The following DNAH5 variants were observed in gnomAD, a reference collection of about 807,000 sequenced individuals.
DNAH5 encodes axonemal beta dynein heavy chain 5.
In DNAH5, 372 loss-of-function variants were observed where a neutral mutation model predicts 518.2. The ratio of observed to expected loss-of-function variants is 0.72; its 90% CI spans 0.66 to 0.78. The LOEUF is 0.78. Among genes scored for constraint, DNAH5 ranks in the 30% least tolerant of loss-of-function variants. The pLI is 0.00. For missense variants in DNAH5, 5,523 were observed against 5,687.0 expected, an observed-to-expected ratio of 0.97 and a Z score of 0.93; for synonymous variants, 2,039 against 2,025.9, an observed-to-expected ratio of 1.01 and a Z score of -0.17.
intron 1 of DNAH5, among the ~76,000 whole-genome samples, chr5:13,984,086 G>C (rs1782865955): frequency 6.6e-6 from 1 of 152,158 alleles, no homozygotes; most frequent in Non-Finnish European, 1.5e-5. Flanking sequence ...ATGTGGAAGA[G>C]ACAAGCAGGA....
intron 17 of DNAH5, among the ~76,000 whole-genome samples, chr5:13,889,986 T>C (rs1772972974): frequency 1.3e-5 from 2 of 152,146 alleles, no homozygotes; most frequent in Non-Finnish European, 2.9e-5. Context: ...GGGAATATTG[T>C]AAATGATGCT....
chr5:13,793,732 C>A lies in DNAH5; in HGVS notation c.8011-4G>T. The A allele has an allele frequency of 6.2e-7, 1 of 1,613,352 alleles. No homozygotes were observed. The highest frequency in any genetic ancestry group is 8.5e-7 in the Non-Finnish European group (1 of 1,179,534). On this transcript the variant is annotated splice_region_variant and splice_polypyrimidine_tract_variant and intron_variant, in intron 48 of 78. Coordinates refer to ENST00000265104, the MANE Select transcript of DNAH5 (RefSeq NM_001369.3). ...GTCGCACTATCTCATTCGTAACCTA[C>A]AAAAGACAACTTTCAGAATTAAAGC...
intron 58 of DNAH5, among the ~76,000 whole-genome samples, chr5:13,768,258 A>T (rs972344003): frequency 1.3e-5 from 2 of 152,214 alleles, no homozygotes; most frequent in South Asian, 2.1e-4. Context: ...ATGGTGAGTG[A>T]GTTCTCAGGA....
rs573296431 is a variant in DNAH5, at chr5:13,699,120, G to A, written c.13723+1520C>T. Among the ~76,000 whole-genome samples, 465 of 152,262 alleles carry A rather than the reference G, an allele frequency of 3.1e-3. 1 individual carries two copies. The highest frequency in any genetic ancestry group is 5.9e-3 in the Non-Finnish European group (401 of 68,026). On this transcript the variant is annotated intron_variant, in intron 78 of 78. Coordinates refer to ENST00000265104, the MANE Select transcript of DNAH5 (RefSeq NM_001369.3). ...AAGTAGTTACTGAATGACCAAGCAA[G>A]CTAATGCTATTTCCCTCTGCCACGA... is the stretch of plus-strand genomic sequence containing the variant.
chr5:13,885,860 G>A, intron 18 of DNAH5, 104 bp downstream of exon 18: 1 of 1,057,234 alleles, frequency 9.5e-7, no homozygotes, highest in East Asian at 2.4e-5. Context: ...AAATCGAGAG[G>A]ATGTTTATAG....
intron 47 of DNAH5, among the ~76,000 whole-genome samples, chr5:13,798,046 G>T (rs1005901413): frequency 1.4e-5 from 2 of 145,510 alleles, no homozygotes; most frequent in East Asian, 4.1e-4. Flanking sequence ...ACACACTGGG[G>T]CCTGTCTGGG....
Position 13,770,991 on chromosome 5 carries a change from T to G in DNAH5, c.9374-11A>C, listed in dbSNP as rs747373995. 3 of 1,585,402 alleles carry G rather than the reference T, an allele frequency of 1.9e-6. No individual in the cohort carries two copies. On this transcript the variant is annotated splice_polypyrimidine_tract_variant and intron_variant, in intron 55 of 78. Transcript: ENST00000265104. ...GGAAGTGTTCAGACACTAGAGAGAA[T>G]AAAGATGACAGTGTGTGAAATATGT...
At chr5:13,777,460 T>C (rs1754278002) in intron 53 of DNAH5, 105 bp from the exon 54 acceptor site, 4 of 1,011,722 alleles carry the variant, frequency 4.0e-6, no homozygotes, top group Non-Finnish European at 6.0e-6. Flanking sequence ...AAATGCTGAT[T>C]TTGTTCTATC....
intron 7 of DNAH5, among the ~76,000 whole-genome samples, chr5:13,918,032 C>A (rs1776830538): frequency 6.6e-6 from 1 of 152,330 alleles, no homozygotes; most frequent in Non-Finnish European, 1.5e-5. Flanking sequence ...TGTATTCAAG[C>A]TCTTGTATTC....
chr5:13,805,984 G>A (rs931832682), intron 47 of DNAH5, among the ~76,000 whole-genome samples: 12 of 152,034 alleles, frequency 7.9e-5, no homozygotes, highest in Admixed American at 2.6e-4. Context: ...TACACTGTAG[G>A]CCTAAAGAGT....
chr5:13,695,869 T>C (rs560429183), intron 78 of DNAH5, among the ~76,000 whole-genome samples: 1 of 152,128 alleles, frequency 6.6e-6, no homozygotes, highest in South Asian at 2.1e-4. Context: ...TACACACACA[T>C]GCACACGCAC....
Position 13,876,725 on chromosome 5 carries a change from AT to A in DNAH5, c.3354del (p.Lys1118AsnfsTer2). 6.2e-7 allele frequency: 1 copy of A among 1,613,962 alleles called. No individual in the cohort carries two copies. The highest frequency in any genetic ancestry group is 1.1e-5 in the South Asian group (1 of 91,078). ...KNVSENKEIV[K>X]LVSVLSTIIN... ...ATAATTGTGCTAAGCACAGAAACTA[AT>A]TTTACAATCTCTTTGTTTTCAGAAA... On this transcript the variant is annotated frameshift_variant, in exon 22 of 79. Coordinates refer to ENST00000265104, the MANE Select transcript of DNAH5 (RefSeq NM_001369.3). LOFTEE classifies it high-confidence loss of function.
chr5:13,770,067 G>T (rs1468803827), intron 56 of DNAH5, among the ~76,000 whole-genome samples: 1 of 152,156 alleles, frequency 6.6e-6, no homozygotes, highest in Admixed American at 6.6e-5. Flanking sequence ...CTGTAGGAAG[G>T]AACTAGCTGC....
chr5:13,690,911 G>T lies in DNAH5; in HGVS notation c.*1073C>A, dbSNP rs562393427. The T allele has an allele frequency of 6.6e-6, 1 of 151,782 alleles. No homozygotes were observed. The highest frequency in any genetic ancestry group is 2.1e-4 in the South Asian group (1 of 4,810). 9.4% of individuals were successfully genotyped at this position (151,782 alleles called of 1,614,324 possible). ...AACTATAATTCTTGCTATCACATCT[G>T]TTCTTATTTTTCTATCTTGCCATCT... is the stretch of plus-strand genomic sequence containing the variant. On this transcript the variant is annotated 3_prime_UTR_variant, in exon 79 of 79. Transcript: ENST00000265104.
intron 56 of DNAH5, 136 bp downstream of exon 56, chr5:13,770,613 C>T (rs1361728723): frequency 2.6e-6 from 2 of 767,428 alleles, no homozygotes; most frequent in Non-Finnish European, 4.5e-6. Flanking sequence ...GCCAGCAGTA[C>T]CCCTTCCCTG....
At chr5:13,922,376 G>A in intron 4 of DNAH5, 48 bp from the exon 5 acceptor site, 1 of 1,494,048 alleles carries the variant, frequency 6.7e-7, no homozygotes, top group Middle Eastern at 1.7e-4. Context: ...ATCCTCAAAT[G>A]CAACACAACT....
chr5:13,829,744 A>G, intron 37 of DNAH5, 40 bp from the exon 38 acceptor site: 1 of 1,558,000 alleles, frequency 6.4e-7, no homozygotes, highest in South Asian at 1.1e-5. Flanking sequence ...TGATGCAATC[A>G]AGCACACATC....
At chr5:13,837,560 C>CAAA (rs35339556) in intron 35 of DNAH5, among the ~76,000 whole-genome samples, 10 of 144,762 alleles carry the variant, frequency 6.9e-5, no homozygotes, top group African/African-American at 2.5e-4. Context: ...TCTATCTTCT[C>CAAA]AAAAAAAAAA....
chr5:13,821,185 A>G (rs1762193691), intron 40 of DNAH5, among the ~76,000 whole-genome samples: 1 of 152,228 alleles, frequency 6.6e-6, no homozygotes, highest in Non-Finnish European at 1.5e-5. Flanking sequence ...TTGGGAACTG[A>G]AAACATTTAT....
Sources: allele counts gnomAD v4.1 joint callset (sites outside exome capture counted in the v4.1 genomes callset), GRCh38; gene constraint gnomAD v4.1.1; transcripts MANE v1.5; gene names NCBI Gene and HGNC (gene_info 2026-07-23, HGNC 2026-07-21).